Variants in EIF4G3 observed in about 807,000 individuals in gnomAD.
EIF4G3 encodes eIF-4-gamma 3.
EIF4G3 carries 34 observed loss-of-function variants against 186.4 expected under a neutral mutation model. The observed-to-expected ratio is 0.18, with a 90% CI of 0.14 to 0.24. The LOEUF is 0.24. Among genes scored for constraint, EIF4G3 ranks in the 10% least tolerant of loss-of-function variants. The pLI, the probability that EIF4G3 is intolerant of heterozygous loss-of-function variation, is 1.00. For missense variants in EIF4G3, 1,536 were observed against 1,948.5 expected, an observed-to-expected ratio of 0.79 and a Z score of 3.99; for synonymous variants, 673 against 679.5, an observed-to-expected ratio of 0.99 and a Z score of 0.15.
chr1:21,093,935 C>T (rs1427290878), intron 2 of EIF4G3, among the ~76,000 whole-genome samples: 1 of 151,962 alleles, frequency 6.6e-6, no homozygotes, highest in Non-Finnish European at 1.5e-5. Flanking sequence ...AGGGGAACAT[C>T]ACACACCAGG....
At chr1:21,171,448 C>T (rs12117526) in intron 2 of EIF4G3, among the ~76,000 whole-genome samples, 43,717 of 151,896 alleles carry the variant, frequency 0.29, 8,047 homozygotes, top group Non-Finnish European at 0.41. Context: ...ATACAGTCTT[C>T]ACCACTGAAG....
chr1:21,115,864 A>AG (rs1208722064), intron 2 of EIF4G3, among the ~76,000 whole-genome samples: 1 of 152,176 alleles, frequency 6.6e-6, no homozygotes, highest in East Asian at 1.9e-4. Flanking sequence ...ATATACAGGT[A>AG]GGGACCACCA....
In EIF4G3 at chr1:21,101,324, T is replaced by C. The variant is rs538251227; in HGVS notation, c.-271-12111A>G. ...GGCTCACGCCAGTAAACTCGGCACT[T>C]TGGGAGGCTGAGGTGGGCAGATCAC... On this transcript the variant is annotated intron_variant, in intron 2 of 36. Coordinates refer to ENST00000602326, the MANE Select transcript of EIF4G3 (RefSeq NM_001391906.1). Among the ~76,000 whole-genome samples the C allele has an allele frequency of 2.6e-5, 4 of 151,882 alleles. No individual in the cohort carries two copies. In the East Asian group the frequency reaches 7.9e-4, roughly 30 times the overall value.
At chr1:21,027,229 G>A (rs1328549369) in intron 4 of EIF4G3, among the ~76,000 whole-genome samples, 1 of 131,968 alleles carries the variant, frequency 7.6e-6, no homozygotes, top group East Asian at 2.3e-4. Context: ...GTCTCGCTCT[G>A]TCGCCCAGGC....
intron 12 of EIF4G3, among the ~76,000 whole-genome samples, chr1:20,952,973 CAT>C (rs1266295914): frequency 6.6e-5 from 10 of 152,134 alleles, no homozygotes; most frequent in African/African-American, 1.9e-4. Flanking sequence ...AATCAGGAAA[CAT>C]ACCAAGTACT....
intron 13 of EIF4G3, among the ~76,000 whole-genome samples, chr1:20,945,777 A>G (rs1396381617): frequency 6.6e-6 from 1 of 152,210 alleles, no homozygotes; most frequent in Non-Finnish European, 1.5e-5. Context: ...GAGCCACTGC[A>G]TCTGGCAAGA....
At chr1:21,126,911 T>C (rs2097057221) in intron 2 of EIF4G3, among the ~76,000 whole-genome samples, 1 of 152,206 alleles carries the variant, frequency 6.6e-6, no homozygotes. Flanking sequence ...CTCTAGATTA[T>C]TTATACAATG....
chr1:21,139,094 C>T (rs951257483), intron 2 of EIF4G3, among the ~76,000 whole-genome samples: 15 of 152,062 alleles, frequency 9.9e-5, no homozygotes, highest in Non-Finnish European at 1.8e-4. Context: ...ATGAAATATT[C>T]CAAGTTCTAA....
chr1:20,816,722 A>G (rs1345458171), intron 34 of EIF4G3, among the ~76,000 whole-genome samples: 2 of 83,482 alleles, frequency 2.4e-5, no homozygotes, highest in Non-Finnish European at 5.0e-5. Context: ...CCGCCCGGCC[A>G]CCACCCCGTC....
At chr1:21,060,675 C>A (rs1363565324) in intron 3 of EIF4G3, among the ~76,000 whole-genome samples, 2 of 149,952 alleles carry the variant, frequency 1.3e-5, no homozygotes, top group East Asian at 4.1e-4. Context: ...TACTTGGGAG[C>A]GTAAGGCAAG....
chr1:20,943,970 T>TGTGTGTGTG lies in EIF4G3; in HGVS notation c.824-1641_824-1640insCACACACAC, dbSNP rs2095822521. ...TATTTCAGGAAAACTTGTCTTTATTTTTTTTGTGTGTGTGTGTGTGTGTGT... is the reference window on the plus strand; with the variant it reads ...TATTTCAGGAAAACTTGTCTTTATTTGTGTGTGTGTTTTTGTGTGTGTGTGTGTGTGTGT... On this transcript the variant is annotated intron_variant, in intron 13 of 36. Coordinates refer to ENST00000602326, the MANE Select transcript of EIF4G3 (RefSeq NM_001391906.1). Among the ~76,000 whole-genome samples, 2 of 80,372 alleles carry TGTGTGTGTG rather than the reference T, an allele frequency of 2.5e-5. 1 individual carries two copies. Among genetic ancestry groups the TGTGTGTGTG allele is most frequent in the East Asian group, 8.8e-4 (2 of 2,268 alleles). 52.7% of individuals were successfully genotyped at this position (80,372 alleles called of 152,430 possible). A position where few individuals can be genotyped will look rare whatever the true frequency, so the allele number is the denominator to read the frequency against.
intron 15 of EIF4G3, among the ~76,000 whole-genome samples, chr1:20,900,377 T>C (rs1027546864): frequency 2.0e-4 from 31 of 152,284 alleles, no homozygotes; most frequent in African/African-American, 4.1e-4. Context: ...GTCTGGAGAA[T>C]AGCTTAAAAC....
intron 4 of EIF4G3, among the ~76,000 whole-genome samples, chr1:21,043,280 C>T (rs2093680384): frequency 6.6e-6 from 1 of 152,172 alleles, no homozygotes; most frequent in African/African-American, 2.4e-5. Context: ...TAAAGAAATG[C>T]TTACAAAATC....
In EIF4G3 at chr1:20,842,729, A is replaced by C. The variant is rs2069131573; in HGVS notation, c.3889-1701T>G. 3.3e-5 allele frequency among the ~76,000 whole-genome samples: 5 copies of C among 152,026 alleles called. No homozygotes were observed. The South Asian group carries it at 1.0e-3, about 32-fold the overall frequency. On this transcript the variant is annotated intron_variant, in intron 29 of 36. Coordinates refer to ENST00000602326, the MANE Select transcript of EIF4G3 (RefSeq NM_001391906.1). Reference sequence around the variant, plus strand: ...CCCTTTTGTTTCTGGCCACATCTGTACCTCACAGACAGTCTTAGTTTGTTA... The same window carrying C: ...CCCTTTTGTTTCTGGCCACATCTGTCCCTCACAGACAGTCTTAGTTTGTTA...
intron 2 of EIF4G3, among the ~76,000 whole-genome samples, chr1:21,099,166 A>G (rs2096459675): frequency 6.6e-6 from 1 of 152,242 alleles, no homozygotes. Context: ...ACACGTTGGT[A>G]GAGTGCAAAA....
chr1:21,144,344 G>T (rs1212432816), intron 2 of EIF4G3, among the ~76,000 whole-genome samples: 1 of 152,064 alleles, frequency 6.6e-6, no homozygotes, highest in Non-Finnish European at 1.5e-5. Context: ...AATCTTGAGG[G>T]ATCCCCTTGA....
intron 12 of EIF4G3, among the ~76,000 whole-genome samples, chr1:20,954,791 C>T (rs905705793): frequency 2.0e-5 from 3 of 152,060 alleles, no homozygotes; most frequent in African/African-American, 7.2e-5. Flanking sequence ...GTATAGACCA[C>T]AAAATTAATC....
intron 32 of EIF4G3, among the ~76,000 whole-genome samples, chr1:20,826,015 T>C (rs1326279485): frequency 6.6e-6 from 1 of 152,224 alleles, no homozygotes; most frequent in Non-Finnish European, 1.5e-5. Context: ...ATAGAGTAAC[T>C]TGTCCAAGGC....
intron 35 of EIF4G3, among the ~76,000 whole-genome samples, chr1:20,812,300 G>A (rs1003212634): frequency 5.9e-5 from 9 of 152,056 alleles, no homozygotes; most frequent in African/African-American, 9.7e-5. Flanking sequence ...TTCCCAACTC[G>A]AATTTTAAAA....
Sources: allele counts gnomAD v4.1 joint callset (sites outside exome capture counted in the v4.1 genomes callset), GRCh38; gene constraint gnomAD v4.1.1; transcripts MANE v1.5; gene names NCBI Gene and HGNC (gene_info 2026-07-23, HGNC 2026-07-21).